The following GMDS variants were observed in gnomAD, a reference collection of about 807,000 sequenced individuals.
GMDS encodes the protein GDP-mannose 4,6-dehydratase.
GMDS carries 20 observed loss-of-function variants against 49.9 expected under a neutral mutation model. The ratio of observed to expected loss-of-function variants is 0.40; its 90% CI spans 0.28 to 0.58. GMDS has a LOEUF of 0.58. Ranked by LOEUF, GMDS falls within the 20% of genes least tolerant of loss-of-function variation. GMDS has a pLI of 0.42. For synonymous variants in GMDS, 177 were observed against 178.6 expected (o/e 0.99, Z 0.07); for missense variants, 362 against 481.4 (o/e 0.75, Z 2.32).
chr6:2,185,645 A>G (rs1778745575), intron 1 of GMDS, among the ~76,000 whole-genome samples: 2 of 152,208 alleles, frequency 1.3e-5, no homozygotes, highest in Non-Finnish European at 1.5e-5. Context: ...TCCTTCACCC[A>G]CATGTCTCAG....
At chr6:2,119,516 T>C (rs1775024495) in intron 2 of GMDS, among the ~76,000 whole-genome samples, 1 of 152,196 alleles carries the variant, frequency 6.6e-6, no homozygotes, top group Admixed American at 6.5e-5. Flanking sequence ...TAATGAAAGC[T>C]GGGTCTGTCT....
rs1192122454 is a variant in GMDS at position 1,624,093 on chromosome 6, C to T, written c.*76G>A. On this transcript the variant is annotated 3_prime_UTR_variant, in exon 11 of 11. Transcript: ENST00000380815. Reference sequence around the variant, plus strand: ...ACCCGCAGATTGGCACGCCGCTCCCCATCCCCGCAGCGCGTCTGCACCGGA... The same window carrying T: ...ACCCGCAGATTGGCACGCCGCTCCCTATCCCCGCAGCGCGTCTGCACCGGA... 1.5e-6 allele frequency: 2 copies of T among 1,343,550 alleles called. No individual in the cohort carries two copies. Among genetic ancestry groups the T allele is most frequent in the African/African-American group, 2.9e-5 (2 of 70,062 alleles). 83.2% of individuals were successfully genotyped at this position (1,343,550 alleles called of 1,614,324 possible). A position where few individuals can be genotyped will look rare whatever the true frequency, so the allele number is the denominator to read the frequency against.
intron 7 of GMDS, among the ~76,000 whole-genome samples, chr6:1,852,177 T>C (rs931205675): frequency 6.6e-6 from 1 of 152,220 alleles, no homozygotes; most frequent in Non-Finnish European, 1.5e-5. Flanking sequence ...AAGCCATGTG[T>C]TGGTGCAGTA....
rs774453196 is a variant in GMDS at position 1,960,801 on chromosome 6, T to C, written c.511A>G (p.Thr171Ala). Residue 171 changes from threonine to alanine, a missense_variant, in exon 5 of 11, where the codon ACC (threonine) becomes GCC (alanine). Physicochemically the swap from Thr to Ala is moderately conservative, Grantham distance 58 (BLOSUM62 0). Coordinates refer to ENST00000380815, the MANE Select transcript of GMDS (RefSeq NM_001500.4). ...KVQEIPQKET[T>A]PFYPRSPYGA... is the part of the protein sequence containing the mutation. ...TAGGGTGACCGGGGATAGAAAGGGG[T>C]GGTCTCCTTCTGGGGTATTTCCTGC... 6.2e-7 allele frequency: 1 copy of C among 1,603,938 alleles called. No individual in the cohort carries two copies. Among genetic ancestry groups the C allele is most frequent in the Non-Finnish European group, 8.5e-7 (1 of 1,172,352 alleles).
rs533457589 is a variant in GMDS, at chr6:1,835,916, G to A, written c.772-93330C>T. Among the ~76,000 whole-genome samples, 7 of 151,662 alleles carry A rather than the reference G, an allele frequency of 4.6e-5. No individual in the cohort carries two copies. The East Asian group carries it at 5.8e-4, about 13-fold the overall frequency. On this transcript the variant is annotated intron_variant, in intron 7 of 10. Coordinates refer to ENST00000380815, the MANE Select transcript of GMDS (RefSeq NM_001500.4). ...TATTATTTTTTTGAGACGGAGTCTCGCTATGTCGCCCAGGCAGGAGTGCAG... is the reference window on the plus strand; with the variant it reads ...TATTATTTTTTTGAGACGGAGTCTCACTATGTCGCCCAGGCAGGAGTGCAG...
At chr6:1,988,294 T>C (rs1045416953) in intron 4 of GMDS, among the ~76,000 whole-genome samples, 8 of 151,982 alleles carry the variant, frequency 5.3e-5, no homozygotes, top group African/African-American at 1.7e-4. Flanking sequence ...ATATAGTAAA[T>C]AGTGGCTTAA....
At chr6:2,178,305 G>C (rs1038035572) in intron 1 of GMDS, among the ~76,000 whole-genome samples, 3 of 152,188 alleles carry the variant, frequency 2.0e-5, no homozygotes, top group African/African-American at 4.8e-5. Context: ...GCTGGCATCT[G>C]CTTGGCTTCT....
chr6:1,654,846 A>T (rs961531356), intron 9 of GMDS, among the ~76,000 whole-genome samples: 1 of 152,164 alleles, frequency 6.6e-6, no homozygotes, highest in Non-Finnish European at 1.5e-5. Context: ...GCGGATCATG[A>T]GGTCAAGAGA....
intron 7 of GMDS, among the ~76,000 whole-genome samples, chr6:1,845,012 G>A (rs1757325502): frequency 6.6e-6 from 1 of 152,328 alleles, no homozygotes; most frequent in South Asian, 2.1e-4. Context: ...TGCTGCTAAA[G>A]CTCAGTGCAT....
intron 7 of GMDS, among the ~76,000 whole-genome samples, chr6:1,759,931 T>C (rs1452859900): frequency 6.8e-6 from 1 of 146,862 alleles, no homozygotes; most frequent in Non-Finnish European, 1.5e-5. Flanking sequence ...TCGGTTTCCA[T>C]GGATGGAGAC....
chr6:1,700,513 A>G (rs944707153), intron 9 of GMDS, among the ~76,000 whole-genome samples: 3 of 152,220 alleles, frequency 2.0e-5, no homozygotes, highest in Admixed American at 1.3e-4. Context: ...GGAGAAAAGC[A>G]GCTCTACAGT....
At chr6:2,070,579 T>C (rs538437542) in intron 4 of GMDS, among the ~76,000 whole-genome samples, 1 of 152,248 alleles carries the variant, frequency 6.6e-6, no homozygotes, top group South Asian at 2.1e-4. Context: ...CTTCTTTATA[T>C]ATGTTATATA....
chr6:1,994,395 G>T (rs184544532), intron 4 of GMDS, among the ~76,000 whole-genome samples: 160 of 152,140 alleles, frequency 1.1e-3, no homozygotes, highest in African/African-American at 3.7e-3. Flanking sequence ...TCCCATGAGG[G>T]AAATGATATG....
chr6:1,911,892 T>C (rs1328022122), intron 7 of GMDS, among the ~76,000 whole-genome samples: 1 of 152,134 alleles, frequency 6.6e-6, no homozygotes, highest in Non-Finnish European at 1.5e-5. Context: ...AACTACTCTG[T>C]AGGGAAAAAA....
At chr6:1,919,078 G>C (rs1761573367) in intron 7 of GMDS, among the ~76,000 whole-genome samples, 1 of 152,140 alleles carries the variant, frequency 6.6e-6, no homozygotes, top group Non-Finnish European at 1.5e-5. Context: ...ATAAAGAAAT[G>C]ATGGGCAGGG....
intron 9 of GMDS, among the ~76,000 whole-genome samples, chr6:1,654,764 T>TA (rs891615677): frequency 3.3e-5 from 5 of 152,122 alleles, no homozygotes; most frequent in African/African-American, 1.2e-4. Context: ...TACCATTATT[T>TA]AAAAAATATC....
chr6:1,681,834 T>A (rs1764802782), intron 9 of GMDS, among the ~76,000 whole-genome samples: 1 of 152,226 alleles, frequency 6.6e-6, no homozygotes, highest in Non-Finnish European at 1.5e-5. Context: ...TAGATGGGAC[T>A]ATAGGCACGC....
intron 7 of GMDS, among the ~76,000 whole-genome samples, chr6:1,866,888 T>A (rs1758466764): frequency 1.3e-5 from 2 of 152,274 alleles, no homozygotes; most frequent in East Asian, 1.9e-4. Context: ...AGGAGAATCA[T>A]CTGACACACA....
At chr6:1,793,202 C>G (rs532191566) in intron 7 of GMDS, among the ~76,000 whole-genome samples, 1 of 152,246 alleles carries the variant, frequency 6.6e-6, no homozygotes, top group South Asian at 2.1e-4. Flanking sequence ...GATACATTCC[C>G]CAATGTCCTG....
Sources: allele counts gnomAD v4.1 joint callset (sites outside exome capture counted in the v4.1 genomes callset), GRCh38; gene constraint gnomAD v4.1.1; transcripts MANE v1.5; gene names NCBI Gene and HGNC (gene_info 2026-07-23, HGNC 2026-07-21).